PBX1: variants seen among roughly 807,000 people sequenced by gnomAD.
PBX1 encodes PBX homeobox 1, also known as pre-B-cell leukemia transcription factor 1.
Under a neutral mutation model 53.4 loss-of-function variants are expected in PBX1, and 6 were observed. The ratio of observed to expected loss-of-function variants is 0.11; its 90% CI spans 0.06 to 0.22. The LOEUF (loss-of-function observed/expected upper bound fraction) is 0.22, where lower values mean the gene tolerates loss of function less well. PBX1 is among the 10% of genes least tolerant of loss of function. The probability of loss-of-function intolerance (pLI) is 1.00; values close to 1 mark genes in which losing one functional copy is unlikely to be tolerated. For synonymous variants in PBX1, 204 were observed against 212.3 expected, an observed-to-expected ratio of 0.96 and a Z score of 0.34; for missense variants, 251 against 551.4, an observed-to-expected ratio of 0.46 and a Z score of 5.46.
chr1:164,813,950 G>A (rs1193820020), intron 6 of PBX1: 2 of 152,184 alleles, frequency 1.3e-5, no homozygotes, highest in Non-Finnish European at 1.5e-5. Flanking sequence ...ACTATTCTGA[G>A]CACAAAGTAA....
chr1:164,861,290 G>A (rs1672090774), intron 2 of PBX1, among the ~76,000 whole-genome samples: 1 of 152,136 alleles, frequency 6.6e-6, no homozygotes, highest in African/African-American at 2.4e-5. Flanking sequence ...TCCATGGCGT[G>A]CCCTTGTCGT....
intron 2 of PBX1, among the ~76,000 whole-genome samples, chr1:164,580,871 A>G (rs1303241520): frequency 2.0e-5 from 3 of 152,074 alleles, no homozygotes; most frequent in African/African-American, 7.2e-5. Context: ...GAGCCACCGC[A>G]CCTGGCTCTA....
chr1:164,645,490 A>G (rs756545331), intron 2 of PBX1, among the ~76,000 whole-genome samples: 1 of 151,638 alleles, frequency 6.6e-6, no homozygotes, highest in Non-Finnish European at 1.5e-5. Context: ...AATCTGAACA[A>G]ACTCCATGGC....
At chr1:164,872,885 G>A (rs1672415434) in intron 2 of PBX1, among the ~76,000 whole-genome samples, 1 of 152,164 alleles carries the variant, frequency 6.6e-6, no homozygotes, top group Non-Finnish European at 1.5e-5. Flanking sequence ...TTTGGATCCT[G>A]ATTTTGTCAT....
chr1:164,717,416 T>C (rs1003718288), intron 2 of PBX1, among the ~76,000 whole-genome samples: 1 of 152,100 alleles, frequency 6.6e-6, no homozygotes, highest in Non-Finnish European at 1.5e-5. Context: ...AATGCAACCA[T>C]ATTGGGAAGG....
chr1:164,771,376 T>C (rs1667363263), intron 2 of PBX1: 1 of 151,992 alleles, frequency 6.6e-6, no homozygotes, highest in Non-Finnish European at 1.5e-5. Flanking sequence ...GGTGGCTGCC[T>C]TTCATGAAAG....
At chr1:164,715,924 A>G (rs1435978985) in intron 2 of PBX1, among the ~76,000 whole-genome samples, 2 of 152,108 alleles carry the variant, frequency 1.3e-5, no homozygotes, top group African/African-American at 4.8e-5. Flanking sequence ...ATGGCTTACA[A>G]AGGCCTATTG....
chr1:164,849,988 T>C lies in PBX1; in HGVS notation c.*3312T>C. On this transcript the variant is annotated 3_prime_UTR_variant, in exon 9 of 9. Coordinates refer to ENST00000420696, the MANE Select transcript of PBX1 (RefSeq NM_002585.4). ...TTCTTGCGACTTGTGTCTCGTTCTT[T>C]GTAGTATTGATGATGAACATTTGAT... 1 of 228,124 alleles carries C rather than the reference T, an allele frequency of 4.4e-6. No individual in the cohort carries two copies. The highest frequency in any genetic ancestry group is 8.7e-6 in the Non-Finnish European group (1 of 114,904). 14.1% of individuals were successfully genotyped at this position (228,124 alleles called of 1,614,324 possible).
chr1:164,779,953 G>A (rs1489922435), intron 2 of PBX1, among the ~76,000 whole-genome samples: 2 of 152,266 alleles, frequency 1.3e-5, no homozygotes, highest in South Asian at 2.1e-4. Context: ...CCAGCCTCAG[G>A]GAGGCAGATA....
In PBX1 at chr1:164,621,640, C is replaced by CT. The variant is rs989446279; in HGVS notation, c.265+58330dup. On this transcript the variant is annotated intron_variant, in intron 2 of 8. Coordinates refer to ENST00000420696, the MANE Select transcript of PBX1 (RefSeq NM_002585.4). The stretch of plus-strand genomic sequence containing the variant: ...GAGGCCATCCCTCTTGTTGCACAGT[C>CT]TATCTTTTTGGCCATAATTAAGAAT... Among the ~76,000 whole-genome samples, 12 of 152,226 alleles carry CT rather than the reference C, an allele frequency of 7.9e-5. No individual in the cohort carries two copies. The South Asian group carries it at 1.9e-3, about 24-fold the overall frequency.
At chr1:164,684,672 G>C (rs1179342594) in intron 2 of PBX1, 4 of 152,140 alleles carry the variant, frequency 2.6e-5, no homozygotes, top group African/African-American at 9.7e-5. Context: ...AATATGAAAA[G>C]AGAATTATCA....
chr1:164,785,511 A>C (rs1008106397), intron 2 of PBX1, among the ~76,000 whole-genome samples: 1 of 152,208 alleles, frequency 6.6e-6, no homozygotes, highest in African/African-American at 2.4e-5. Flanking sequence ...GTGTATGTGC[A>C]TCAGTTGGAT....
Position 164,847,592 on chromosome 1 carries a change from C to T in PBX1, c.*916C>T. The stretch of plus-strand genomic sequence containing the variant: ...GAATAGAAAGTTCTTATCGTGAAAC[C>T]CTTCAACCTCAACTATGCCTTCATA... On this transcript the variant is annotated 3_prime_UTR_variant, in exon 9 of 9. Transcript: ENST00000420696. 1 of 1,062,858 alleles carries T rather than the reference C, an allele frequency of 9.4e-7. No individual in the cohort carries two copies. The highest frequency in any genetic ancestry group is 1.1e-6 in the Non-Finnish European group (1 of 877,774). 65.8% of individuals were successfully genotyped at this position (1,062,858 alleles called of 1,614,324 possible). A position where few individuals can be genotyped will look rare whatever the true frequency, so the allele number is the denominator to read the frequency against.
At chr1:164,690,736 A>G (rs1662419935) in intron 2 of PBX1, among the ~76,000 whole-genome samples, 1 of 152,222 alleles carries the variant, frequency 6.6e-6, no homozygotes, top group Middle Eastern at 3.4e-3. Context: ...ACCAATATTC[A>G]GTATATGTTA....
At chr1:164,698,715 T>C (rs1262635293) in intron 2 of PBX1, among the ~76,000 whole-genome samples, 3 of 152,234 alleles carry the variant, frequency 2.0e-5, no homozygotes, top group Admixed American at 2.0e-4. Context: ...ATGATTCTAA[T>C]TGTATGTTTA....
At chr1:164,606,192 A>G (rs1203098108) in intron 2 of PBX1, among the ~76,000 whole-genome samples, 2 of 152,238 alleles carry the variant, frequency 1.3e-5, no homozygotes, top group Non-Finnish European at 2.9e-5. Flanking sequence ...TCTCCAATAA[A>G]TGCATTCTGC....
chr1:164,632,490 G>A (rs1349427671), intron 2 of PBX1, among the ~76,000 whole-genome samples: 1 of 152,134 alleles, frequency 6.6e-6, no homozygotes, highest in East Asian at 1.9e-4. Context: ...GCTGGACACA[G>A]GAGTAGGATG....
chr1:164,719,765 G>C (rs549869718), intron 2 of PBX1, among the ~76,000 whole-genome samples: 15 of 152,118 alleles, frequency 9.9e-5, no homozygotes, highest in Non-Finnish European at 2.2e-4. Context: ...AAGCACATGG[G>C]GGGTATGTGT....
chr1:164,814,080 A>G (rs1047827476), intron 6 of PBX1: 1 of 152,234 alleles, frequency 6.6e-6, no homozygotes, highest in Non-Finnish European at 1.5e-5. Flanking sequence ...ATACTATTGT[A>G]TGTGTGCAAT....
Sources: allele counts gnomAD v4.1 joint callset (sites outside exome capture counted in the v4.1 genomes callset), GRCh38; gene constraint gnomAD v4.1.1; transcripts MANE v1.5; gene names NCBI Gene and HGNC (gene_info 2026-07-23, HGNC 2026-07-21).